The following PTPRT variants were observed in gnomAD, a reference collection of about 807,000 sequenced individuals.
PTPRT encodes receptor-type tyrosine-protein phosphatase T.
Under a neutral mutation model 176.8 loss-of-function variants are expected in PTPRT, and 56 were observed. The ratio of observed to expected loss-of-function variants is 0.32; its 90% CI spans 0.26 to 0.40. PTPRT has a LOEUF of 0.40. PTPRT is among the 10% of genes least tolerant of loss of function. The probability of loss-of-function intolerance (pLI) is 1.00; values close to 1 mark genes in which losing one functional copy is unlikely to be tolerated. For missense variants in PTPRT, 1,540 were observed against 1,908.2 expected (o/e 0.81, Z 3.60); for synonymous variants, 783 against 739.0 (o/e 1.06, Z -0.96).
intron 8 of PTPRT, among the ~76,000 whole-genome samples, chr20:42,450,159 T>C (rs997600920): frequency 5.3e-5 from 8 of 152,260 alleles, no homozygotes; most frequent in South Asian, 2.1e-4. Context: ...GTTTGAATTC[T>C]TCATGATTTT....
At chr20:42,376,225 AGAAAG>A (rs1378073354) in intron 9 of PTPRT, among the ~76,000 whole-genome samples, 1 of 152,218 alleles carries the variant, frequency 6.6e-6, no homozygotes, top group Non-Finnish European at 1.5e-5. Flanking sequence ...TTCCCACAGC[AGAAAG>A]GAGAGACATT....
chr20:42,161,599 C>T, intron 16 of PTPRT, 57 bp from the exon 17 acceptor site: 1 of 1,520,460 alleles, frequency 6.6e-7, no homozygotes, highest in Non-Finnish European at 8.8e-7. Context: ...GCCCTTTGTC[C>T]TCCCTGTCTC....
intron 7 of PTPRT, among the ~76,000 whole-genome samples, chr20:42,518,549 A>G (rs1395085549): frequency 6.6e-6 from 1 of 152,104 alleles, no homozygotes; most frequent in African/African-American, 2.4e-5. Context: ...TAAATGCATT[A>G]GAATATGGTA....
intron 1 of PTPRT, among the ~76,000 whole-genome samples, chr20:43,117,298 C>T (rs1035613185): frequency 6.6e-6 from 1 of 152,192 alleles, no homozygotes; most frequent in Non-Finnish European, 1.5e-5. Flanking sequence ...TCTAGTCTAC[C>T]ATGAGAATCC....
chr20:42,833,188 T>G (rs907539556), intron 2 of PTPRT, among the ~76,000 whole-genome samples: 1 of 150,750 alleles, frequency 6.6e-6, no homozygotes, highest in Non-Finnish European at 1.5e-5. Context: ...AGTTGTAAAT[T>G]GAAATAGTAA....
At chr20:42,574,120 T>G (rs1303077089) in intron 7 of PTPRT, among the ~76,000 whole-genome samples, 1 of 152,174 alleles carries the variant, frequency 6.6e-6, no homozygotes, top group Non-Finnish European at 1.5e-5. Context: ...AGCCTGCCTA[T>G]GTGGGTTGCA....
intron 17 of PTPRT, among the ~76,000 whole-genome samples, chr20:42,149,080 T>C (rs942701178): frequency 2.0e-5 from 3 of 152,154 alleles, no homozygotes; most frequent in Non-Finnish European, 2.9e-5. Flanking sequence ...TTGCAACAAG[T>C]GATAAACCCA....
At chr20:42,735,195 C>T (rs1256370511) in intron 6 of PTPRT, among the ~76,000 whole-genome samples, 1 of 152,144 alleles carries the variant, frequency 6.6e-6, no homozygotes, top group Non-Finnish European at 1.5e-5. Context: ...AGGGCTGCTA[C>T]TTGGGAATGG....
At chr20:42,224,062 T>TGTTCTGCACTAA (rs1189641016) in intron 15 of PTPRT, among the ~76,000 whole-genome samples, 1 of 152,182 alleles carries the variant, frequency 6.6e-6, no homozygotes, top group East Asian at 1.9e-4. Flanking sequence ...CCTCTTAGAA[T>TGTTCTGCACTAA]GTTCTGCACT....
At chr20:42,745,841 G>A (rs1048584771) in intron 6 of PTPRT, among the ~76,000 whole-genome samples, 1 of 152,212 alleles carries the variant, frequency 6.6e-6, no homozygotes. Flanking sequence ...TGATGAGACT[G>A]GGTAATCAGA....
At chr20:42,187,299 T>G (rs888783759) in intron 16 of PTPRT, among the ~76,000 whole-genome samples, 4 of 152,186 alleles carry the variant, frequency 2.6e-5, no homozygotes, top group African/African-American at 9.7e-5. Flanking sequence ...CATCTGTCTA[T>G]TCTACAGGTG....
At chr20:42,821,905 TA>T (rs1291817016) in intron 2 of PTPRT, among the ~76,000 whole-genome samples, 1 of 151,864 alleles carries the variant, frequency 6.6e-6, no homozygotes, top group Admixed American at 6.6e-5. Context: ...CTCAATGAAA[TA>T]AGAGGACACA....
At chr20:42,570,484 T>G (rs1010544909) in intron 7 of PTPRT, among the ~76,000 whole-genome samples, 2 of 152,194 alleles carry the variant, frequency 1.3e-5, no homozygotes, top group East Asian at 3.9e-4. Context: ...ACAAATGCAC[T>G]GCCTGATGGG....
At chr20:42,037,199 G>T in the PTPRT span, among the ~76,000 whole-genome samples, 1 of 152,190 alleles carries the variant, frequency 6.6e-6, no homozygotes, top group African/African-American at 2.4e-5. Context: ...CCGTACCCTA[G>T]CCTCATCACT....
intron 16 of PTPRT, among the ~76,000 whole-genome samples, chr20:42,194,777 A>C (rs1036995901): frequency 6.6e-6 from 1 of 152,208 alleles, no homozygotes; most frequent in Non-Finnish European, 1.5e-5. Flanking sequence ...AAGAATACCA[A>C]GGCACTCCAA....
At chr20:42,161,838 T>G (rs76491199) in intron 16 of PTPRT, among the ~76,000 whole-genome samples, 3,729 of 152,266 alleles carry the variant, frequency 0.024, 73 homozygotes, top group Non-Finnish European at 0.039. Flanking sequence ...TTAGACTTTG[T>G]TGGGCAGAAC....
At chr20:42,488,947 T>C (rs2071510475) in intron 7 of PTPRT, among the ~76,000 whole-genome samples, 1 of 106,468 alleles carries the variant, frequency 9.4e-6, no homozygotes, top group Non-Finnish European at 1.8e-5. Flanking sequence ...CAAAACTCTG[T>C]CTCAAAAAAA....
At chr20:42,292,842 G>A (rs2057337909) in intron 12 of PTPRT, among the ~76,000 whole-genome samples, 1 of 152,188 alleles carries the variant, frequency 6.6e-6, no homozygotes, top group Admixed American at 6.5e-5. Context: ...ACTACGTAAT[G>A]TGGTAGCCTC....
rs138854958 is a variant in PTPRT at position 43,133,189 on chromosome 20, C to G, written c.88+56457G>C. Among the ~76,000 whole-genome samples the G allele has an allele frequency of 4.1e-4, 63 of 152,154 alleles. 1 individual carries two copies. In the East Asian group the frequency reaches 0.012, roughly 28 times the overall value. ...GTATACATGTGTAAAATTCGCTGAGCTGTACAGTTAAGATTTGTGCATTTA... is the reference window on the plus strand; with the variant it reads ...GTATACATGTGTAAAATTCGCTGAGGTGTACAGTTAAGATTTGTGCATTTA... On this transcript the variant is annotated intron_variant, in intron 1 of 30. Coordinates refer to ENST00000373187, the MANE Select transcript of PTPRT (RefSeq NM_007050.6).
Sources: allele counts gnomAD v4.1 joint callset (sites outside exome capture counted in the v4.1 genomes callset), GRCh38; gene constraint gnomAD v4.1.1; transcripts MANE v1.5; gene names NCBI Gene and HGNC (gene_info 2026-07-23, HGNC 2026-07-21).